PTBP2: variants seen among roughly 807,000 people sequenced by gnomAD.
PTBP2 encodes the protein polypyrimidine tract binding protein 2.
PTBP2 carries 13 observed loss-of-function variants against 61.4 expected under a neutral mutation model. The ratio of observed to expected loss-of-function variants is 0.21; its 90% CI spans 0.14 to 0.34. The LOEUF is 0.34. Ranked by LOEUF, PTBP2 falls within the 10% of genes least tolerant of loss-of-function variation. The pLI is 1.00. For synonymous variants in PTBP2, 215 were observed against 218.5 expected, an observed-to-expected ratio of 0.98 and a Z score of 0.14; for missense variants, 405 against 642.6, an observed-to-expected ratio of 0.63 and a Z score of 4.00.
chr1:96,736,694 C>CT (rs559395818), intron 2 of PTBP2, among the ~76,000 whole-genome samples: 1 of 151,890 alleles, frequency 6.6e-6, no homozygotes, highest in Non-Finnish European at 1.5e-5. Flanking sequence ...TTTTCCTTTC[C>CT]TTTTTTTAAG....
intron 3 of PTBP2, among the ~76,000 whole-genome samples, chr1:96,768,462 T>C (rs1366635336): frequency 1.3e-5 from 2 of 152,000 alleles, no homozygotes; most frequent in African/African-American, 4.8e-5. Flanking sequence ...ACCTAAAGTT[T>C]TATACAAAAT....
intron 5 of PTBP2, among the ~76,000 whole-genome samples, chr1:96,775,479 A>C (rs1657928262): frequency 6.6e-6 from 1 of 152,214 alleles, no homozygotes; most frequent in South Asian, 2.1e-4. Context: ...TGCTGCCTGC[A>C]AAACATGGGT....
At chr1:96,730,034 T>G (rs1226336048) in intron 2 of PTBP2, among the ~76,000 whole-genome samples, 1 of 152,186 alleles carries the variant, frequency 6.6e-6, no homozygotes, top group African/African-American at 2.4e-5. Context: ...GCCATGATAC[T>G]ACATTTTTAC....
rs1261476144 is a variant in PTBP2 at position 96,722,232 on chromosome 1, C to G, written c.8+360C>G. Among the ~76,000 whole-genome samples the G allele has an allele frequency of 3.3e-5, 5 of 152,178 alleles. No homozygotes were observed. The East Asian group carries it at 9.7e-4, about 30-fold the overall frequency. Reference sequence around the variant, plus strand: ...CCATTTCGATCCGTACCTTGGGACCCGACCCTTGGGTTAGCGGTGCCTGTG... The same window carrying G: ...CCATTTCGATCCGTACCTTGGGACCGGACCCTTGGGTTAGCGGTGCCTGTG... On this transcript the variant is annotated intron_variant, in intron 1 of 13. Transcript: ENST00000674951.
At chr1:96,761,722 CTGTTT>C (rs1029966415) in intron 3 of PTBP2, among the ~76,000 whole-genome samples, 3 of 149,110 alleles carry the variant, frequency 2.0e-5, no homozygotes, top group Admixed American at 6.6e-5. Context: ...CGCTACTGTT[CTGTTT>C]TTTTTTGTTT....
At chr1:96,749,755 G>C (rs1654304381) in intron 2 of PTBP2, 1 of 443,746 alleles carries the variant, frequency 2.3e-6, no homozygotes, top group Non-Finnish European at 4.6e-6. Context: ...GAATATTGTA[G>C]TGAGCACTAC....
At chr1:96,768,045 C>T (rs1313310311) in intron 3 of PTBP2, among the ~76,000 whole-genome samples, 1 of 152,030 alleles carries the variant, frequency 6.6e-6, no homozygotes, top group Non-Finnish European at 1.5e-5. Flanking sequence ...AGCTTGAGTC[C>T]ATATATTATC....
chr1:96,801,829 C>A (rs560841451), intron 8 of PTBP2, among the ~76,000 whole-genome samples: 1 of 149,212 alleles, frequency 6.7e-6, no homozygotes, highest in Non-Finnish European at 1.5e-5. Flanking sequence ...CCATTACACT[C>A]CAGCCTGGGG....
chr1:96,767,269 G>C (rs949380508), intron 3 of PTBP2, among the ~76,000 whole-genome samples: 5 of 152,046 alleles, frequency 3.3e-5, no homozygotes, highest in Admixed American at 1.3e-4. Flanking sequence ...CTTAATAATA[G>C]GTTTAGGCAG....
chr1:96,750,270 C>T (rs1557707167), intron 2 of PTBP2, among the ~76,000 whole-genome samples: 1 of 151,988 alleles, frequency 6.6e-6, no homozygotes, highest in Admixed American at 6.6e-5. Flanking sequence ...CAATTCTGCT[C>T]ATCATGTTCT....
At chr1:96,756,732 G>A (rs970882998) in intron 3 of PTBP2, among the ~76,000 whole-genome samples, 3 of 152,124 alleles carry the variant, frequency 2.0e-5, no homozygotes, top group African/African-American at 7.2e-5. Context: ...TCTGGAAAAA[G>A]CAAAATTATG....
downstream of PTBP2, chr1:96,818,716 G>C (rs2101310639): frequency 6.6e-6 from 1 of 152,160 alleles, no homozygotes; most frequent in Middle Eastern, 3.4e-3. Context: ...GTTTTTTCCT[G>C]AGTGTGGAAA....
chr1:96,738,009 A>T (rs112659434), intron 2 of PTBP2, among the ~76,000 whole-genome samples: 7 of 152,206 alleles, frequency 4.6e-5, no homozygotes, highest in African/African-American at 1.7e-4. Flanking sequence ...TAAGTGTTGA[A>T]CTCCAATAAA....
At chr1:96,755,613 T>G (rs1655062695) in intron 3 of PTBP2, among the ~76,000 whole-genome samples, 1 of 152,230 alleles carries the variant, frequency 6.6e-6, no homozygotes, top group African/African-American at 2.4e-5. Flanking sequence ...GATTCCTGTT[T>G]TGGCATCATA....
intron 5 of PTBP2, among the ~76,000 whole-genome samples, chr1:96,777,138 G>A (rs1170382453): frequency 1.3e-5 from 2 of 152,042 alleles, no homozygotes; most frequent in African/African-American, 4.8e-5. Context: ...TTTTAAGATT[G>A]TATTAGAAAT....
intron 5 of PTBP2, among the ~76,000 whole-genome samples, chr1:96,776,538 C>T (rs1254363339): frequency 6.6e-6 from 1 of 151,788 alleles, no homozygotes; most frequent in Non-Finnish European, 1.5e-5. Flanking sequence ...CTTGTTTATT[C>T]TCCTGAGTGT....
At chr1:96,780,221 C>T (rs936530443) in intron 7 of PTBP2, among the ~76,000 whole-genome samples, 1 of 151,780 alleles carries the variant, frequency 6.6e-6, no homozygotes, top group African/African-American at 2.4e-5. Flanking sequence ...CTGTCATCCC[C>T]TTTCTCATTT....
At position 96,754,364 on chromosome 1, in the gene PTBP2, G is replaced by GAAAT. The variant is rs1654922141; in HGVS notation, c.115+2864_115+2865insAAAT. Among the ~76,000 whole-genome samples the GAAAT allele has an allele frequency of 2.0e-5, 3 of 152,158 alleles. No individual in the cohort carries two copies. The South Asian group carries it at 6.2e-4, about 32-fold the overall frequency. On this transcript the variant is annotated intron_variant, in intron 3 of 13. Transcript: ENST00000674951. ...GTAAACAACAACTTTGTATTATGGG[G>GAAAT]TTTATTATGTAAATGGATGTTTATA...
At chr1:96,736,831 C>T (rs1652259522) in intron 2 of PTBP2, among the ~76,000 whole-genome samples, 1 of 152,028 alleles carries the variant, frequency 6.6e-6, no homozygotes, top group Non-Finnish European at 1.5e-5. Context: ...TGTGTGCCAC[C>T]ACACCTGGCT....
Sources: gnomAD v4.1 joint callset for allele counts (sites outside exome capture counted in the v4.1 genomes callset) on GRCh38, gnomAD v4.1.1 for gene constraint, MANE v1.5 for transcripts, NCBI Gene and HGNC (gene_info 2026-07-23, HGNC 2026-07-21) for gene names.